The following CNMD variants were observed in gnomAD, a reference collection of about 807,000 sequenced individuals.
CNMD encodes leukocyte cell-derived chemotaxin 1.
Under a neutral mutation model 37.5 loss-of-function variants are expected in CNMD, and 30 were observed. That is an observed-to-expected ratio of 0.80 (90% CI 0.60 to 1.09). CNMD has a LOEUF of 1.09. Ranked by LOEUF, CNMD falls within the 50% of genes least tolerant of loss-of-function variation. The pLI is 0.00. For synonymous variants in CNMD, 167 were observed against 148.2 expected (o/e 1.13, Z -0.92); for missense variants, 398 against 423.9 (o/e 0.94, Z 0.54).
Position 52,708,549 on chromosome 13 carries a change from T to A in CNMD, c.776A>T (p.Asp259Val), listed in dbSNP as rs780451344. ...VQEDSQAFNP[D>V]NPYHQQEGES... The stretch of plus-strand genomic sequence containing the variant: ...ACCGGAACGCACATGATAAGGATTA[T>A]CAGGATTGAAGGCTTGTGAGTCCTC... Residue 259 changes from aspartate to valine, a missense_variant, in exon 6 of 7, where the codon GAT becomes GTT. By Grantham distance (152) the Asp-to-Val change is radical (BLOSUM62 -3). Coordinates refer to ENST00000377962, the MANE Select transcript of CNMD (RefSeq NM_007015.3). 16 of 1,610,196 alleles carry A rather than the reference T, an allele frequency of 9.9e-6. No homozygotes were observed. The highest frequency in any genetic ancestry group is 1.4e-5 in the Non-Finnish European group (16 of 1,179,160).
chr13:52,714,329 T>C (rs1459189114), intron 4 of CNMD, among the ~76,000 whole-genome samples: 2 of 152,050 alleles, frequency 1.3e-5, no homozygotes, highest in Non-Finnish European at 2.9e-5. Context: ...CAGATCCCGA[T>C]TTGTGTAAGT....
chr13:52,706,882 C>T (rs1286760757), intron 6 of CNMD, among the ~76,000 whole-genome samples: 1 of 151,828 alleles, frequency 6.6e-6, no homozygotes, highest in African/African-American at 2.4e-5. Flanking sequence ...TAAAAAATTT[C>T]TGCATGTATT....
Position 52,733,229 on chromosome 13 carries a change from T to A in CNMD, c.344A>T (p.Asp115Val). The change falls in exon 3 of 7, where the codon GAT becomes GTT. Residue 115 changes from aspartate (D) to valine (V), a missense_variant. By Grantham distance (152) the Asp-to-Val change is radical (BLOSUM62 -3). Coordinates refer to ENST00000377962, the MANE Select transcript of CNMD (RefSeq NM_007015.3). ...ATGAAATATACTTACATTCTGGAAA[T>A]CATTAACTGCAATTGCTTCTTCAGC... The part of the protein sequence containing the change: ...SGAEEAIAVN[D>V]FQNGITGIRF... 1 of 1,614,120 alleles carries A rather than the reference T, an allele frequency of 6.2e-7. No homozygotes were observed. The highest frequency in any genetic ancestry group is 8.5e-7 in the Non-Finnish European group (1 of 1,179,954).
chr13:52,724,076 T>A lies in CNMD; in HGVS notation c.389A>T (p.Lys130Met). Residue 130 changes from lysine to methionine, a missense_variant, in exon 4 of 7, where the codon AAG (lysine) becomes ATG (methionine). Physicochemically the swap from Lys to Met is moderately conservative, Grantham distance 95. Coordinates refer to ENST00000377962, the MANE Select transcript of CNMD (RefSeq NM_007015.3). ...CTTCACTTGCGCTTTAATGTAGCACTTCTCTCCTCCAGCAAAACGAATTCC... is the reference window on the plus strand; with the variant it reads ...CTTCACTTGCGCTTTAATGTAGCACATCTCTCCTCCAGCAAAACGAATTCC... ...ITGIRFAGGEKCYIKAQVKAR... is the reference protein window; with the variant it reads ...ITGIRFAGGEMCYIKAQVKAR... 6.2e-7 allele frequency: 1 copy of A among 1,614,054 alleles called. No individual in the cohort carries two copies. Among genetic ancestry groups the A allele is most frequent in the Non-Finnish European group, 8.5e-7 (1 of 1,179,962 alleles).
chr13:52,733,917 T>G (rs1241837942), intron 2 of CNMD, among the ~76,000 whole-genome samples: 1 of 152,170 alleles, frequency 6.6e-6, no homozygotes, highest in Admixed American at 6.5e-5. Flanking sequence ...GTATATGGTA[T>G]TAGGTATATG....
intron 4 of CNMD, among the ~76,000 whole-genome samples, chr13:52,714,959 C>T (rs6561686): frequency 0.96 from 145,711 of 152,328 alleles, 69,705 homozygotes; most frequent in East Asian, 0.99. Context: ...TATGGCTATA[C>T]TCCTTTTACT....
chr13:52,739,113 G>T lies in CNMD; in HGVS notation c.131C>A (p.Ala44Asp), dbSNP rs1016119501. The T allele has an allele frequency of 5.1e-6, 8 of 1,569,506 alleles. No homozygotes were observed. Among genetic ancestry groups the T allele is most frequent in the Non-Finnish European group, 6.9e-6 (8 of 1,162,994 alleles). ...CACAGCTCCCGAAATGAGGACCACGGCTCCCACCTTGAGCAGCCGCGCGGG... is the reference window on the plus strand; with the variant it reads ...CACAGCTCCCGAAATGAGGACCACGTCTCCCACCTTGAGCAGCCGCGCGGG... Reference protein sequence around the residue: ...SSPARLLKVGAVVLISGAVLL... With the variant: ...SSPARLLKVGDVVLISGAVLL... The change falls in exon 2 of 7, where the codon GCC becomes GAC. Residue 44 changes from alanine (A) to aspartate (D), a missense_variant. Coordinates refer to ENST00000377962, the MANE Select transcript of CNMD (RefSeq NM_007015.3). This position sits in a 1 kb window ranked among gnomAD's most constrained non-coding sequence, Gnocchi z 5.4.
chr13:52,727,684 A>C (rs937034273), intron 3 of CNMD, among the ~76,000 whole-genome samples: 2 of 152,140 alleles, frequency 1.3e-5, no homozygotes, highest in Admixed American at 6.5e-5. Context: ...TGTTAAATGA[A>C]ATAAGCCAGG....
chr13:52,706,636 C>T (rs1469495462), intron 6 of CNMD, among the ~76,000 whole-genome samples: 1 of 151,942 alleles, frequency 6.6e-6, no homozygotes, highest in Non-Finnish European at 1.5e-5. Flanking sequence ...GAATAGTAGT[C>T]ATTAAATGAA....
At chr13:52,736,053 G>A (rs1383486198) in intron 2 of CNMD, among the ~76,000 whole-genome samples, 1 of 151,564 alleles carries the variant, frequency 6.6e-6, no homozygotes, top group African/African-American at 2.4e-5. Context: ...GAGTGCAGTG[G>A]CACAATCTCC....
At chr13:52,710,659 T>C (rs1182140053) in intron 5 of CNMD, among the ~76,000 whole-genome samples, 1 of 152,240 alleles carries the variant, frequency 6.6e-6, no homozygotes. Flanking sequence ...ACTGTACTTA[T>C]GAGAGATGGG....
intron 5 of CNMD, 135 bp downstream of exon 5, chr13:52,712,581 T>C (rs1964306659): frequency 2.0e-6 from 1 of 512,640 alleles, no homozygotes; most frequent in African/African-American, 1.9e-5. Flanking sequence ...CTCATGCTAA[T>C]TACTGAGACA....
At chr13:52,704,909 A>ACAAAAAG (rs1964149346) in intron 6 of CNMD, among the ~76,000 whole-genome samples, 2 of 24,842 alleles carry the variant, frequency 8.1e-5, no homozygotes, top group East Asian at 1.5e-3. Flanking sequence ...CTACTAAAAA[A>ACAAAAAG]TTAGCCAGGC....
At position 52,733,385 on chromosome 13, in the gene CNMD, A is replaced by T. The variant is rs1264305361; in HGVS notation, c.214-26T>A. On this transcript the variant is annotated intron_variant, in intron 2 of 6. Transcript: ENST00000377962. ...CTGAAAGTGAGCATAAGAGTTAGTG[A>T]TGCTTTCTTTTTTGAGCAATTCAGG... 8 of 1,612,946 alleles carry T rather than the reference A, an allele frequency of 5.0e-6. 1 individual carries two copies. In the South Asian group the frequency reaches 8.8e-5, roughly 18 times the overall value.
Position 52,739,146 on chromosome 13 carries a change from G to C in CNMD, c.98C>G (p.Pro33Arg). ...PPAYATLTVK[P>R]SSPARLLKVG... ...CTTGAGCAGCCGCGCGGGGCTGGAG[G>C]GCTTCACCGTCAGCGTAGCGTACGC... The change falls in exon 2 of 7, where the codon CCC becomes CGC. Residue 33 changes from proline to arginine, a missense_variant. Physicochemically the swap from Pro to Arg is moderately radical, Grantham distance 103 (BLOSUM62 -2). Transcript: ENST00000377962. The surrounding 1 kb of genome is among the most constrained non-coding windows in gnomAD (Gnocchi z 5.4). The C allele has an allele frequency of 1.3e-6, 2 of 1,529,872 alleles. No homozygotes were observed. Among genetic ancestry groups the C allele is most frequent in the Non-Finnish European group, 1.7e-6 (2 of 1,145,714 alleles). The allele number at this position is 1,529,872 out of a possible 1,614,324, so 94.8% of individuals were successfully genotyped here.
intron 4 of CNMD, among the ~76,000 whole-genome samples, chr13:52,718,485 A>G (rs1197309849): frequency 1.3e-5 from 2 of 152,166 alleles, no homozygotes; most frequent in Non-Finnish European, 2.9e-5. Context: ...TTTTAGTGCT[A>G]TAAATTTCCC....
At chr13:52,736,373 C>G (rs186611948) in intron 2 of CNMD, among the ~76,000 whole-genome samples, 1 of 152,314 alleles carries the variant, frequency 6.6e-6, no homozygotes, top group East Asian at 1.9e-4. Context: ...AAGTGATCCT[C>G]CTGCCTTGGC....
intron 2 of CNMD, among the ~76,000 whole-genome samples, chr13:52,734,502 C>T (rs987620498): frequency 2.0e-5 from 3 of 152,126 alleles, no homozygotes; most frequent in Non-Finnish European, 4.4e-5. Flanking sequence ...ATAACTCAGA[C>T]GCTGCTCCTG....
intron 6 of CNMD, among the ~76,000 whole-genome samples, chr13:52,708,204 C>T (rs1254494821): frequency 2.0e-5 from 3 of 150,740 alleles, no homozygotes; most frequent in Admixed American, 6.6e-5. Context: ...TTTTTTGAGA[C>T]GGAGTCTCGC....
Sources: allele counts gnomAD v4.1 joint callset (sites outside exome capture counted in the v4.1 genomes callset), GRCh38; gene constraint gnomAD v4.1.1; non-coding constraint Gnocchi (gnomAD v3.1); transcripts MANE v1.5; gene names NCBI Gene and HGNC (gene_info 2026-07-23, HGNC 2026-07-21).